ZNF277: variants seen among roughly 807,000 people sequenced by gnomAD.
ZNF277 encodes zinc finger protein 277.
Under a neutral mutation model 60.7 loss-of-function variants are expected in ZNF277, and 55 were observed. The ratio of observed to expected loss-of-function variants is 0.91; its 90% CI spans 0.73 to 1.13. The LOEUF (loss-of-function observed/expected upper bound fraction) is 1.13. Ranked by LOEUF, ZNF277 falls within the 50% of genes most tolerant of loss-of-function variation. The pLI is 0.00. For synonymous variants in ZNF277, 178 were observed against 179.3 expected (o/e 0.99, Z 0.06); for missense variants, 510 against 523.0 (o/e 0.98, Z 0.24).
chr7:112,337,290 G>A (rs749013812), intron 8 of ZNF277, among the ~76,000 whole-genome samples: 4 of 152,154 alleles, frequency 2.6e-5, no homozygotes, highest in African/African-American at 4.8e-5. Flanking sequence ...AAAGAGACAC[G>A]GTTTGCCTTT....
intron 1 of ZNF277, among the ~76,000 whole-genome samples, chr7:112,264,363 A>G (rs1228763105): frequency 6.6e-6 from 1 of 152,154 alleles, no homozygotes; most frequent in African/African-American, 2.4e-5. Flanking sequence ...TAGAAATTCT[A>G]CTTCTAATAA....
At position 112,310,601 on chromosome 7, in the gene ZNF277, A is replaced by G. The variant is rs1344597309; in HGVS notation, c.466-7581A>G. 2.0e-5 allele frequency among the ~76,000 whole-genome samples: 3 copies of G among 152,066 alleles called. No individual in the cohort carries two copies. In the East Asian group the frequency reaches 5.8e-4, roughly 29 times the overall value. On this transcript the variant is annotated intron_variant, in intron 4 of 11. Transcript: ENST00000361822. ...TCTGTAGCAGCTTGAAACATTTATT[A>G]GAACAAAGTGGAGGTATAAGTGAAA...
intron 1 of ZNF277, among the ~76,000 whole-genome samples, chr7:112,257,933 C>G (rs1406102022): frequency 6.6e-6 from 1 of 152,058 alleles, no homozygotes; most frequent in Admixed American, 6.6e-5. Flanking sequence ...CCAGCCTTAG[C>G]CTTCCAAGTA....
intron 2 of ZNF277, chr7:112,289,056 T>A (rs1406249981): frequency 6.6e-6 from 1 of 152,068 alleles, no homozygotes; most frequent in Non-Finnish European, 1.5e-5. Context: ...AAAATTTTAT[T>A]TGTATTTTTA....
At position 112,342,295 on chromosome 7, in the gene ZNF277, C is replaced by T. The variant is rs148263206; in HGVS notation, c.1185-266C>T. On this transcript the variant is annotated intron_variant, in intron 11 of 11. Coordinates refer to ENST00000361822, the MANE Select transcript of ZNF277 (RefSeq NM_021994.3). ...GATCAAGCAGAGGCTAAGTGGCCAG[C>T]GGACAACTCCAGAGGCAACTCTGGA... is the stretch of plus-strand genomic sequence containing the variant. 7.7e-4 allele frequency among the ~76,000 whole-genome samples: 117 copies of T among 152,172 alleles called. No homozygotes were observed. The Middle Eastern group carries it at 0.014, about 18-fold the overall frequency.
At chr7:112,315,055 T>C (rs796447030) in intron 4 of ZNF277, among the ~76,000 whole-genome samples, 25 of 152,264 alleles carry the variant, frequency 1.6e-4, no homozygotes, top group African/African-American at 5.8e-4. Flanking sequence ...TTTTAAAATA[T>C]ATGTATGGGG....
intron 7 of ZNF277, among the ~76,000 whole-genome samples, chr7:112,335,730 G>T (rs1793316759): frequency 6.6e-6 from 1 of 152,070 alleles, no homozygotes; most frequent in Non-Finnish European, 1.5e-5. Flanking sequence ...CTGTATGCCA[G>T]GCTCTGGAAA....
intron 1 of ZNF277, among the ~76,000 whole-genome samples, chr7:112,234,632 A>T (rs1420230101): frequency 6.6e-6 from 1 of 152,166 alleles, no homozygotes; most frequent in Non-Finnish European, 1.5e-5. Flanking sequence ...CACTGCAAGC[A>T]ATTTGTAGAG....
rs184758422 is a variant in ZNF277, at chr7:112,327,020, C to T, written c.558-697C>T. Among the ~76,000 whole-genome samples the T allele has an allele frequency of 5.6e-4, 85 of 152,248 alleles. 1 individual carries two copies. The highest frequency in any genetic ancestry group is 1.9e-3 in the African/African-American group (80 of 41,536). The stretch of plus-strand genomic sequence containing the variant: ...ATCACAGCCCTTGCATTTAATAGAC[C>T]TGTTAACTGTGGGTTCCAGGTCATT... On this transcript the variant is annotated intron_variant, in intron 5 of 11. Transcript: ENST00000361822.
intron 1 of ZNF277, 84 bp from the exon 2 acceptor site, chr7:112,286,789 A>C: frequency 8.8e-7 from 1 of 1,134,240 alleles, no homozygotes; most frequent in Non-Finnish European, 1.2e-6. Context: ...TTTTTAATGC[A>C]GGAGGTGGGA....
At position 112,295,924 on chromosome 7, in the gene ZNF277, A is replaced by G. The variant is rs1563219163; in HGVS notation, c.349A>G (p.Ser117Gly). Residue 117 changes from serine (S) to glycine (G), a missense_variant, in exon 3 of 12, where the codon AGT becomes GGT. Ser to Gly is a moderately conservative substitution (Grantham distance 56). Coordinates refer to ENST00000361822, the MANE Select transcript of ZNF277 (RefSeq NM_021994.3). ...FTEQPITDFC[S>G]VIRINSTAPF... ...TGAACAGCCCATCACAGATTTTTGT[A>G]GTGTAATAAGAATTAATTCCACTGC... 2 of 1,612,976 alleles carry G rather than the reference A, an allele frequency of 1.2e-6. No individual in the cohort carries two copies. The highest frequency in any genetic ancestry group is 1.7e-6 in the Non-Finnish European group (2 of 1,179,236).
intron 6 of ZNF277, 68 bp from the exon 7 acceptor site, chr7:112,330,012 CAATA>C: frequency 6.7e-7 from 1 of 1,500,340 alleles, no homozygotes; most frequent in Non-Finnish European, 8.9e-7. Context: ...ATATGAAACT[CAATA>C]ATAATAAAGG....
At chr7:112,256,802 A>G (rs1218428514) in intron 1 of ZNF277, among the ~76,000 whole-genome samples, 1 of 152,138 alleles carries the variant, frequency 6.6e-6, no homozygotes, top group Non-Finnish European at 1.5e-5. Flanking sequence ...CATGCTTGAG[A>G]GGTTTAGTAC....
intron 7 of ZNF277, 77 bp downstream of exon 7, chr7:112,330,293 T>C: frequency 6.9e-7 from 1 of 1,447,458 alleles, no homozygotes; most frequent in African/African-American, 1.4e-5. Flanking sequence ...AACTAATATT[T>C]GAATAAGCAA....
intron 4 of ZNF277, among the ~76,000 whole-genome samples, chr7:112,296,925 T>A (rs1179126242): frequency 0.083 from 6,730 of 80,636 alleles, 689 homozygotes; most frequent in African/African-American, 0.22. Flanking sequence ...TTTTTTTTTT[T>A]TTTTTTTTTT....
chr7:112,269,311 A>G (rs1475729225), intron 1 of ZNF277, among the ~76,000 whole-genome samples: 1 of 151,892 alleles, frequency 6.6e-6, no homozygotes, highest in Non-Finnish European at 1.5e-5. Context: ...AAATCATAAG[A>G]TGGGGAATCT....
intron 2 of ZNF277, chr7:112,288,450 A>G (rs1031688283): frequency 6.6e-6 from 1 of 152,198 alleles, no homozygotes; most frequent in Non-Finnish European, 1.5e-5. Flanking sequence ...TGTATTATTA[A>G]GAGCTGACTA....
intron 1 of ZNF277, among the ~76,000 whole-genome samples, chr7:112,276,776 A>G (rs1341285156): frequency 6.6e-6 from 1 of 152,174 alleles, no homozygotes; most frequent in Non-Finnish European, 1.5e-5. Context: ...AGGCACTGTG[A>G]TAACCAGATA....
chr7:112,341,990 G>T (rs1439024065), intron 11 of ZNF277, among the ~76,000 whole-genome samples: 1 of 137,678 alleles, frequency 7.3e-6, no homozygotes, highest in South Asian at 2.2e-4. Context: ...TTTATATTCC[G>T]TAAGTGTTTC....
Sources: allele counts gnomAD v4.1 joint callset (sites outside exome capture counted in the v4.1 genomes callset), GRCh38; gene constraint gnomAD v4.1.1; transcripts MANE v1.5; gene names NCBI Gene and HGNC (gene_info 2026-07-23, HGNC 2026-07-21).